Variants in CCDC17 observed in about 807,000 individuals in gnomAD.
CCDC17 encodes the protein coiled-coil domain-containing protein 17.
A neutral mutation model predicts 68.0 loss-of-function variants in CCDC17; 79 were observed. The ratio of observed to expected loss-of-function variants is 1.16; its 90% CI spans 0.97 to 1.40. The LOEUF (loss-of-function observed/expected upper bound fraction) is 1.40, where lower values mean the gene tolerates loss of function less well. CCDC17 is among the 40% of genes most tolerant of loss of function. CCDC17 has a pLI of 0.00. For synonymous variants in CCDC17, 376 were observed against 337.5 expected, an observed-to-expected ratio of 1.11 and a Z score of -1.25; for missense variants, 846 against 811.5, an observed-to-expected ratio of 1.04 and a Z score of -0.52.
chr1:45,621,953 G>T lies in CCDC17; in HGVS notation c.1010C>A (p.Pro337Gln), dbSNP rs748498964. Reference sequence around the variant, plus strand: ...GAGTGGGGGATCTCTCCTCCCCTTCGGTTGTAGGCTGGCATCCCCCAGGAG... The same window carrying T: ...GAGTGGGGGATCTCTCCTCCCCTTCTGTTGTAGGCTGGCATCCCCCAGGAG... ...LRLLGDASLQ[P>Q]KGRRDPPLLP... is the part of the protein sequence containing the mutation. The change falls in exon 8 of 13, where the codon CCG becomes CAG. Residue 337 changes from proline to glutamine, a missense_variant. Pro to Gln is a moderately conservative substitution (Grantham distance 76). Transcript: ENST00000528266. The T allele has an allele frequency of 1.9e-6, 3 of 1,610,840 alleles. No homozygotes were observed. In the East Asian group the frequency reaches 6.7e-5, roughly 36 times the overall value.
At chr1:45,622,908 C>T in intron 4 of CCDC17, 47 bp downstream of exon 4, 1 of 1,578,718 alleles carries the variant, frequency 6.3e-7, no homozygotes, top group Non-Finnish European at 8.6e-7. Context: ...CCCGCCCCTC[C>T]CACCCCGGAG....
chr1:45,623,043 T>A lies in CCDC17; in HGVS notation c.568A>T (p.Ile190Phe). ...CCGGCCTCAGCTTGTAGTTCTCGAA[T>A]CTCCTGCTCCAGGCCGAAGAGGCGG... Reference protein sequence around the residue: ...MSRLFGLEQEIRELQAEAGRT... With the variant: ...MSRLFGLEQEFRELQAEAGRT... The change falls in exon 4 of 13, where the codon ATT (isoleucine) becomes TTT (phenylalanine). Residue 190 changes from isoleucine (I) to phenylalanine (F), a missense_variant. By Grantham distance (21) the Ile-to-Phe change is conservative. Transcript: ENST00000528266. 1 of 1,612,250 alleles carries A rather than the reference T, an allele frequency of 6.2e-7. No homozygotes were observed. Among genetic ancestry groups the A allele is most frequent in the Non-Finnish European group, 8.5e-7 (1 of 1,179,212 alleles).
At position 45,623,276 on chromosome 1, in the gene CCDC17, C is replaced by T; in HGVS notation, c.434G>A (p.Arg145His). 1 of 1,547,688 alleles carries T rather than the reference C, an allele frequency of 6.5e-7. No homozygotes were observed. The highest frequency in any genetic ancestry group is 1.4e-5 in the African/African-American group (1 of 73,170). The change falls in exon 3 of 13, where the codon CGC becomes CAC. Residue 145 changes from arginine (R) to histidine (H), a missense_variant. Physicochemically the swap from Arg to His is conservative, Grantham distance 29 (BLOSUM62 0). Transcript: ENST00000528266. ...SERLRALFRT[R>H]ARRVAEMEAQ... Reference sequence around the variant, plus strand: ...TTCCATCTCCGCCACGCGCCTCGCGCGAGTCCTGAACAGCGCCCGCAGCCG... The same window carrying T: ...TTCCATCTCCGCCACGCGCCTCGCGTGAGTCCTGAACAGCGCCCGCAGCCG...
At chr1:45,622,379 TG>T in intron 6 of CCDC17, 31 bp from the exon 7 acceptor site, 1 of 1,575,424 alleles carries the variant, frequency 6.3e-7, no homozygotes, top group South Asian at 1.1e-5. Context: ...CTGTCACCTT[TG>T]ACCTCTGGTG....
intron 1 of CCDC17, 22 bp from the exon 2 acceptor site, chr1:45,623,674 A>G (rs1487889732): frequency 1.4e-5 from 22 of 1,551,394 alleles, no homozygotes; most frequent in African/African-American, 8.2e-5. Context: ...GTGTAGTAGG[A>G]TGAGGAATCA....
At chr1:45,622,068 G>C in intron 7 of CCDC17, 73 bp from the exon 8 acceptor site, 1 of 1,462,696 alleles carries the variant, frequency 6.8e-7, no homozygotes, top group Non-Finnish European at 9.4e-7. Flanking sequence ...CCTCCCCCAA[G>C]AGTTGGGCCC....
rs761402290 is a variant in CCDC17 at position 45,620,292 on chromosome 1, GC to G, written c.1851del (p.Leu617PhefsTer4). On this transcript the variant is annotated frameshift_variant, in exon 13 of 13. Coordinates refer to ENST00000528266, the MANE Select transcript of CCDC17 (RefSeq NM_001114938.3). LOFTEE classifies it high-confidence loss of function. The stretch of plus-strand genomic sequence containing the variant: ...ACTTGGGTTCAGAAACTCACTGGGG[GC>G]AAGTCAGAACTGTGGTGAGGGCCCA... ...EGLGPHHSSD[L>X]PPVSF 29 of 1,610,028 alleles carry G rather than the reference GC, an allele frequency of 1.8e-5. No individual in the cohort carries two copies. The Admixed American group carries it at 2.4e-4, about 13-fold the overall frequency.
Position 45,623,985 on chromosome 1 carries a change from GAA to G in CCDC17, c.-78_-77del. Reference sequence around the variant, plus strand: ...GGGCAGGGGAAAGGCAGAGGAGGATGAAAGAGACATAAAGCCAGAGGCAGAGA... The same window carrying G: ...GGGCAGGGGAAAGGCAGAGGAGGATGAGAGACATAAAGCCAGAGGCAGAGA... On this transcript the variant is annotated 5_prime_UTR_variant, in exon 1 of 13. Coordinates refer to ENST00000528266, the MANE Select transcript of CCDC17 (RefSeq NM_001114938.3). The G allele has an allele frequency of 9.5e-7, 1 of 1,047,528 alleles. No homozygotes were observed. The highest frequency in any genetic ancestry group is 1.4e-6 in the Non-Finnish European group (1 of 732,056). 64.9% of individuals were successfully genotyped at this position (1,047,528 alleles called of 1,614,324 possible).
intron 3 of CCDC17, 21 bp downstream of exon 3, chr1:45,623,196 C>T (rs1226030104): frequency 6.5e-7 from 1 of 1,541,638 alleles, no homozygotes; most frequent in Non-Finnish European, 8.8e-7. Context: ...GTCCTTGGTC[C>T]CCGTCCCCCA....
chr1:45,622,170 C>T (rs1297922264), intron 7 of CCDC17, 71 bp downstream of exon 7: 8 of 1,418,690 alleles, frequency 5.6e-6, no homozygotes, highest in South Asian at 1.2e-5. Context: ...GTTCCCCATG[C>T]ACTGTCTGCC....
In CCDC17 at chr1:45,620,974, A is replaced by G; in HGVS notation, c.1528T>C (p.Trp510Arg). 6.2e-7 allele frequency: 1 copy of G among 1,613,864 alleles called. No individual in the cohort carries two copies. Among genetic ancestry groups the G allele is most frequent in the Non-Finnish European group, 8.5e-7 (1 of 1,179,842 alleles). ...GGAAGGGCCCGAAGTGGGAGGCGCC[A>G]GCGGCCACTTAGCACCCGCTGATCT... ...DQDQRVLSGR[W>R]RLPLRALPLD... The change falls in exon 11 of 13, where the codon TGG (tryptophan) becomes CGG (arginine). Residue 510 changes from tryptophan to arginine, a missense_variant. Transcript: ENST00000528266.
At position 45,621,388 on chromosome 1, in the gene CCDC17, A is replaced by G. The variant is rs1375133917; in HGVS notation, c.1281T>C (p.Asp427=). 6.9e-6 allele frequency: 11 copies of G among 1,594,638 alleles called. No individual in the cohort carries two copies. Among genetic ancestry groups the G allele is most frequent in the Non-Finnish European group, 9.4e-6 (11 of 1,171,272 alleles). Residue 427 remains aspartate, a synonymous_variant, in exon 10 of 13, where the codon GAT becomes GAC. Coordinates refer to ENST00000528266, the MANE Select transcript of CCDC17 (RefSeq NM_001114938.3). Reference sequence around the variant, plus strand: ...GGGGCAACGCTGTGGTCCTTCCTGTATCCCGTCCATCGCGTGCCAAGCCAG... The same window carrying G: ...GGGGCAACGCTGTGGTCCTTCCTGTGTCCCGTCCATCGCGTGCCAAGCCAG... The part of the protein sequence containing the change: ...LRTGLARDGR[D]TGRTTALPPA...
At position 45,623,644 on chromosome 1, in the gene CCDC17, T is replaced by C. The variant is rs778026571; in HGVS notation, c.183A>G (p.Pro61=). ...ATEPQRAAVV[P]QEHQGVPQEP... The stretch of plus-strand genomic sequence containing the variant: ...CTTGTGGCACGCCCTGGTGTTCTTG[T>C]GGCACAACCTGGGGATAGGGTGTAG... The change falls in exon 2 of 13, where the codon CCA becomes CCG. Residue 61 remains proline, a synonymous_variant. Coordinates refer to ENST00000528266, the MANE Select transcript of CCDC17 (RefSeq NM_001114938.3). 55 of 1,551,478 alleles carry C rather than the reference T, an allele frequency of 3.5e-5. No individual in the cohort carries two copies. The East Asian group carries it at 1.2e-3, about 35-fold the overall frequency.
Position 45,623,967 on chromosome 1 carries a change from G to C in CCDC17, c.-58C>G, listed in dbSNP as rs1192642592. 1.6e-6 allele frequency: 2 copies of C among 1,238,358 alleles called. No homozygotes were observed. The highest frequency in any genetic ancestry group is 2.2e-6 in the Non-Finnish European group (2 of 903,558). The allele number at this position is 1,238,358 out of a possible 1,614,324, so 76.7% of individuals were successfully genotyped here. A position where few individuals can be genotyped will look rare whatever the true frequency, so the allele number is the denominator to read the frequency against. On this transcript the variant is annotated 5_prime_UTR_variant, in exon 1 of 13. Coordinates refer to ENST00000528266, the MANE Select transcript of CCDC17 (RefSeq NM_001114938.3). The stretch of plus-strand genomic sequence containing the variant: ...ACCTGCAGAAGGGATCAAGGGCAGG[G>C]GAAAGGCAGAGGAGGATGAAAGAGA...
Position 45,620,271 on chromosome 1 carries a change from G to C in CCDC17, c.*4C>G, listed in dbSNP as rs1351085851. ...CAGATGCTCATCTCCACATTCACTT[G>C]GGTTCAGAAACTCACTGGGGGCAAG... On this transcript the variant is annotated 3_prime_UTR_variant, in exon 13 of 13. Coordinates refer to ENST00000528266, the MANE Select transcript of CCDC17 (RefSeq NM_001114938.3). 1.9e-6 allele frequency: 3 copies of C among 1,608,204 alleles called. No individual in the cohort carries two copies. The highest frequency in any genetic ancestry group is 2.5e-6 in the Non-Finnish European group (3 of 1,178,214).
Position 45,620,726 on chromosome 1 carries a change from A to C in CCDC17, c.1707T>G (p.Pro569=), listed in dbSNP as rs1244891126. 2 of 1,600,160 alleles carry C rather than the reference A, an allele frequency of 1.2e-6. No homozygotes were observed. The highest frequency in any genetic ancestry group is 2.7e-5 in the African/African-American group (2 of 74,754). Residue 569 remains proline (P), a synonymous_variant, in exon 12 of 13, where the codon CCT becomes CCG. Transcript: ENST00000528266. ...CTAGCTGCAGCTGGGCCCTCACCGG[A>C]GGTGGGTACTGGTACTCATGGACAC... ...PASVHEYQYP[P]PVSSTSSLEA...
Position 45,620,796 on chromosome 1 carries a change from G to C in CCDC17, c.1637C>G (p.Ala546Gly), listed in dbSNP as rs1429903277. 1.2e-6 allele frequency: 2 copies of C among 1,611,174 alleles called. No individual in the cohort carries two copies. Among genetic ancestry groups the C allele is most frequent in the Admixed American group, 3.4e-5 (2 of 59,424 alleles). Residue 546 changes from alanine to glycine, a missense_variant, in exon 12 of 13, where the codon GCA (alanine) becomes GGA (glycine). By Grantham distance (60) the Ala-to-Gly change is moderately conservative (BLOSUM62 0). Transcript: ENST00000528266. ...CAGTGTCTGTACAGCTGCATCTCTT[G>C]CATTCACCAGCCGCAGAAAGAGCTC... is the stretch of plus-strand genomic sequence containing the variant. ...QAELFLRLVN[A>G]RDAAVQTLAE...
intron 12 of CCDC17, 65 bp downstream of exon 12, chr1:45,620,658 G>A (rs1019634186): frequency 3.2e-5 from 50 of 1,550,764 alleles, no homozygotes; most frequent in Admixed American, 1.4e-4. Context: ...AAGGCTGGCC[G>A]TTAGCCATAC....
In CCDC17 at chr1:45,623,731, C is replaced by CT; in HGVS notation, c.174+4dup. The stretch of plus-strand genomic sequence containing the variant: ...ATCCCCACCCATGGCCATGGAGGCC[C>CT]TTACCGCGGCCCGCTGGGGTTCAGT... On this transcript the variant is annotated splice_donor_region_variant and intron_variant, in intron 1 of 12. Coordinates refer to ENST00000528266, the MANE Select transcript of CCDC17 (RefSeq NM_001114938.3). 1.3e-6 allele frequency: 2 copies of CT among 1,551,098 alleles called. No homozygotes were observed. Among genetic ancestry groups the CT allele is most frequent in the Non-Finnish European group, 1.7e-6 (2 of 1,146,668 alleles).
Sources: gnomAD v4.1 joint callset for allele counts on GRCh38, gnomAD v4.1.1 for gene constraint, MANE v1.5 for transcripts, NCBI Gene and HGNC (gene_info 2026-07-23, HGNC 2026-07-21) for gene names.